ST6GAL2: variants seen among roughly 807,000 people sequenced by gnomAD.
The protein encoded by ST6GAL2 is ST6 beta-galactoside alpha-2,6-sialyltransferase 2.
ST6GAL2 carries 24 observed loss-of-function variants against 37.5 expected under a neutral mutation model. That is an observed-to-expected ratio of 0.64 (90% CI 0.46 to 0.90). ST6GAL2 has a LOEUF of 0.90. Among genes scored for constraint, ST6GAL2 ranks in the 40% least tolerant of loss-of-function variants. The probability of loss-of-function intolerance (pLI) is 0.00; values close to 1 mark genes in which losing one functional copy is unlikely to be tolerated. For missense variants in ST6GAL2, 715 were observed against 712.7 expected, an observed-to-expected ratio of 1.00 and a Z score of -0.04; for synonymous variants, 306 against 295.1, an observed-to-expected ratio of 1.04 and a Z score of -0.38.
At chr2:106,837,972 G>A (rs1676716670) in intron 2 of ST6GAL2, among the ~76,000 whole-genome samples, 2 of 152,166 alleles carry the variant, frequency 1.3e-5, no homozygotes, top group Admixed American at 1.3e-4. Flanking sequence ...TAGGCCCAGT[G>A]CAAGCCCTCT....
intron 3 of ST6GAL2, among the ~76,000 whole-genome samples, chr2:106,833,594 C>T (rs556034692): frequency 2.0e-5 from 3 of 152,320 alleles, no homozygotes; most frequent in Admixed American, 2.0e-4. Flanking sequence ...GAGGTATTTT[C>T]ATTTCCAATT....
chr2:106,849,040 T>C (rs1677254016), intron 1 of ST6GAL2, among the ~76,000 whole-genome samples: 1 of 152,188 alleles, frequency 6.6e-6, no homozygotes. Context: ...TCTCTGACTC[T>C]GCCTATATAA....
chr2:106,884,930 TATATACATAC>T (rs956166492), intron 1 of ST6GAL2, among the ~76,000 whole-genome samples: 22 of 124,384 alleles, frequency 1.8e-4, no homozygotes, highest in Non-Finnish European at 2.6e-4. Context: ...TATATATATA[TATATACATAC>T]ACACACACAC....
chr2:106,810,097 C>T (rs757314795), intron 5 of ST6GAL2, among the ~76,000 whole-genome samples: 9 of 152,202 alleles, frequency 5.9e-5, no homozygotes, highest in Non-Finnish European at 8.8e-5. Context: ...TACATCCTTG[C>T]TATCCTCTTA....
chr2:106,880,786 A>C (rs1678718473), intron 1 of ST6GAL2, among the ~76,000 whole-genome samples: 1 of 152,178 alleles, frequency 6.6e-6, no homozygotes, highest in South Asian at 2.1e-4. Flanking sequence ...TTTGTTAGTC[A>C]ATAGCCATGA....
intron 5 of ST6GAL2, among the ~76,000 whole-genome samples, chr2:106,809,035 A>T (rs1214829499): frequency 6.6e-6 from 1 of 152,184 alleles, no homozygotes; most frequent in Non-Finnish European, 1.5e-5. Context: ...CCACAAAAAA[A>T]CCTTAAACAA....
intron 5 of ST6GAL2, among the ~76,000 whole-genome samples, chr2:106,811,008 G>T (rs978384657): frequency 1.3e-5 from 2 of 151,946 alleles, no homozygotes; most frequent in African/African-American, 4.8e-5. Flanking sequence ...TAATGTGAAA[G>T]GCAGACAAGG....
intron 1 of ST6GAL2, among the ~76,000 whole-genome samples, chr2:106,860,539 G>A (rs6718599): frequency 0.058 from 8,861 of 152,124 alleles, 823 homozygotes; most frequent in African/African-American, 0.2. Flanking sequence ...GCTGCAAAGG[G>A]CAGGGCAGCT....
Position 106,806,688 on chromosome 2 carries a change from G to A in ST6GAL2, c.1580C>T (p.Pro527Leu). The change falls in exon 6 of 6, where the codon CCA becomes CTA. Residue 527 changes from proline (P) to leucine (L), a missense_variant. Pro to Leu is a moderately conservative substitution (Grantham distance 98). Around this residue, in one of 3 missense-constraint regions of ST6GAL2, gnomAD observed 198 missense variants for 203.6 expected, o/e 0.97. Coordinates refer to ENST00000409382, the MANE Select transcript of ST6GAL2 (RefSeq NM_001142351.2). ...VHCPAPSPVI[P>L]HS ...CCCAAGAAACCCTTTTTAAGAGTGT[G>A]GAATGACTGGACTTGGTGCAGGGCA... 3.1e-6 allele frequency: 5 copies of A among 1,613,892 alleles called. No individual in the cohort carries two copies. Among genetic ancestry groups the A allele is most frequent in the Non-Finnish European group, 3.4e-6 (4 of 1,179,856 alleles).
At chr2:106,810,959 A>AAATAAATAAATAAATG (rs1330770208) in intron 5 of ST6GAL2, among the ~76,000 whole-genome samples, 1 of 152,136 alleles carries the variant, frequency 6.6e-6, no homozygotes, top group Admixed American at 6.5e-5. Context: ...CTGTCAAAAT[A>AAATAAATAAATAAATG]AATAAATAAA....
At chr2:106,849,297 G>A (rs1447345661) in intron 1 of ST6GAL2, among the ~76,000 whole-genome samples, 2 of 152,018 alleles carry the variant, frequency 1.3e-5, no homozygotes, top group Admixed American at 1.3e-4. Flanking sequence ...TGAATTTCCA[G>A]TCATGACTGG....
At chr2:106,884,128 G>T (rs563708414) in intron 1 of ST6GAL2, among the ~76,000 whole-genome samples, 6 of 152,156 alleles carry the variant, frequency 3.9e-5, no homozygotes, top group Non-Finnish European at 7.4e-5. Context: ...CTCGGGGGTG[G>T]GGGGGTGGAA....
intron 1 of ST6GAL2, among the ~76,000 whole-genome samples, chr2:106,853,245 A>G (rs1051103286): frequency 3.9e-5 from 6 of 152,220 alleles, no homozygotes; most frequent in African/African-American, 1.4e-4. Context: ...TTTACAATCC[A>G]TACTTTCCCA....
intron 3 of ST6GAL2, among the ~76,000 whole-genome samples, chr2:106,833,361 G>C (rs1676500419): frequency 6.6e-6 from 1 of 152,130 alleles, no homozygotes; most frequent in African/African-American, 2.4e-5. Context: ...TGACATCTCT[G>C]AATTAAGGAA....
At chr2:106,811,063 CT>C (rs941430808) in intron 5 of ST6GAL2, among the ~76,000 whole-genome samples, 48 of 151,480 alleles carry the variant, frequency 3.2e-4, no homozygotes, top group African/African-American at 1.1e-3. Context: ...AACATTTTAA[CT>C]TTTTTTTTCA....
chr2:106,876,090 C>T (rs1678492473), intron 1 of ST6GAL2, among the ~76,000 whole-genome samples: 1 of 152,136 alleles, frequency 6.6e-6, no homozygotes, highest in African/African-American at 2.4e-5. Context: ...CCTTAACCTC[C>T]TGAGAAGCTG....
intron 5 of ST6GAL2, among the ~76,000 whole-genome samples, chr2:106,814,410 T>C (rs1405216344): frequency 6.6e-6 from 1 of 151,482 alleles, no homozygotes; most frequent in Non-Finnish European, 1.5e-5. Flanking sequence ...TGTGCATCTA[T>C]AAATTGGCCT....
chr2:106,879,849 A>G (rs1219509795), intron 1 of ST6GAL2, among the ~76,000 whole-genome samples: 1 of 147,806 alleles, frequency 6.8e-6, no homozygotes, highest in African/African-American at 2.5e-5. Context: ...TATATAATCT[A>G]TAAACTATAA....
At chr2:106,883,272 G>A (rs563437179) in intron 1 of ST6GAL2, among the ~76,000 whole-genome samples, 3 of 152,272 alleles carry the variant, frequency 2.0e-5, no homozygotes, top group Admixed American at 2.0e-4. Context: ...TAATAAATCC[G>A]TGTTTCTCTA....
Sources: allele counts gnomAD v4.1 joint callset (sites outside exome capture counted in the v4.1 genomes callset), GRCh38; gene constraint gnomAD v4.1.1; regional missense constraint gnomAD v4.1.1; transcripts MANE v1.5; gene names NCBI Gene and HGNC (gene_info 2026-07-23, HGNC 2026-07-21).